Variants in ETV6 observed in about 807,000 individuals in gnomAD.
ETV6 encodes the protein ETS variant transcription factor 6.
Under a neutral mutation model 51.1 loss-of-function variants are expected in ETV6, and 16 were observed. The observed-to-expected ratio is 0.31, with a 90% confidence interval of 0.21 to 0.48. The LOEUF is 0.48. Ranked by LOEUF, ETV6 falls within the 20% of genes least tolerant of loss-of-function variation. ETV6 has a pLI of 0.99. For synonymous variants in ETV6, 240 were observed against 224.1 expected (o/e 1.07, Z -0.64); for missense variants, 458 against 594.8 (o/e 0.77, Z 2.39).
intron 2 of ETV6, among the ~76,000 whole-genome samples, chr12:11,827,458 G>A (rs1477910480): frequency 6.6e-6 from 1 of 152,086 alleles, no homozygotes; most frequent in African/African-American, 2.4e-5. Flanking sequence ...GGTCAGATTT[G>A]CCTTTGGGTC....
intron 2 of ETV6, among the ~76,000 whole-genome samples, chr12:11,828,746 G>T (rs182712202): frequency 6.6e-6 from 1 of 152,196 alleles, no homozygotes; most frequent in Non-Finnish European, 1.5e-5. Context: ...AGAAGTACTT[G>T]CTCTAATCTC....
At chr12:11,750,782 T>C in intron 1 of ETV6, 1 of 474,800 alleles carries the variant, frequency 2.1e-6, no homozygotes, top group Non-Finnish European at 4.0e-6. Flanking sequence ...ATGTTTCCTA[T>C]ATGTGTGGGC....
chr12:11,889,360 G>C (rs998296859), intron 7 of ETV6, among the ~76,000 whole-genome samples: 1 of 152,168 alleles, frequency 6.6e-6, no homozygotes, highest in Non-Finnish European at 1.5e-5. Context: ...GTGAGGGAGA[G>C]ATTAGTCCAT....
At chr12:11,870,966 T>G (rs1946872405) in intron 5 of ETV6, among the ~76,000 whole-genome samples, 1 of 152,100 alleles carries the variant, frequency 6.6e-6, no homozygotes, top group African/African-American at 2.4e-5. Context: ...CAAGCAAGGC[T>G]TTGCAGGGGA....
intron 2 of ETV6, among the ~76,000 whole-genome samples, chr12:11,785,983 G>C (rs895367253): frequency 6.6e-6 from 1 of 152,088 alleles, no homozygotes; most frequent in Non-Finnish European, 1.5e-5. Flanking sequence ...GTTTTAGCAG[G>C]TTTGATTGCA....
intron 2 of ETV6, among the ~76,000 whole-genome samples, chr12:11,772,268 C>T (rs1308129063): frequency 1.3e-5 from 2 of 152,200 alleles, no homozygotes; most frequent in Admixed American, 1.3e-4. Flanking sequence ...TGCAGAAAGA[C>T]TCAGAGATCA....
chr12:11,694,686 C>G (rs544729561), intron 1 of ETV6, among the ~76,000 whole-genome samples: 10 of 152,236 alleles, frequency 6.6e-5, no homozygotes, highest in South Asian at 2.1e-4. Flanking sequence ...ACAGCCTTCT[C>G]TCTGCTTTCA....
Position 11,892,142 on chromosome 12 carries a change from G to GAGAA in ETV6, c.*1102_*1105dup. ...TCCAAAGCAGGTAACAGAGGCTAGT[G>GAGAA]AGAAAGAAAAGCTCCTCTCTGCTCC... On this transcript the variant is annotated 3_prime_UTR_variant, in exon 8 of 8. Coordinates refer to ENST00000396373, the MANE Select transcript of ETV6 (RefSeq NM_001987.5). 4.3e-6 allele frequency: 1 copy of GAGAA among 231,574 alleles called. No homozygotes were observed. The highest frequency in any genetic ancestry group is 6.1e-5 in the East Asian group (1 of 16,492). The allele number at this position is 231,574 out of a possible 1,614,324, so 14.3% of individuals were successfully genotyped here.
At chr12:11,786,530 C>G (rs1945488310) in intron 2 of ETV6, among the ~76,000 whole-genome samples, 1 of 152,022 alleles carries the variant, frequency 6.6e-6, no homozygotes, top group Non-Finnish European at 1.5e-5. Context: ...TTTTGAGAAC[C>G]CTCAGTTTAT....
At chr12:11,787,962 A>AC (rs1259084285) in intron 2 of ETV6, among the ~76,000 whole-genome samples, 1 of 152,230 alleles carries the variant, frequency 6.6e-6, no homozygotes, top group East Asian at 1.9e-4. Context: ...TTTCTTTCAC[A>AC]CCAGTGCCCT....
chr12:11,825,472 G>A lies in ETV6; in HGVS notation c.164-13668G>A, dbSNP rs530784090. Among the ~76,000 whole-genome samples the A allele has an allele frequency of 1.1e-4, 17 of 152,308 alleles. No individual in the cohort carries two copies. The South Asian group carries it at 2.7e-3, about 24-fold the overall frequency. Reference sequence around the variant, plus strand: ...CACAAAGCAAGCTTTCGCCTGCATCGCTCCTGTCTCTGCCCCTGTCTTCAC... The same window carrying A: ...CACAAAGCAAGCTTTCGCCTGCATCACTCCTGTCTCTGCCCCTGTCTTCAC... On this transcript the variant is annotated intron_variant, in intron 2 of 7. Coordinates refer to ENST00000396373, the MANE Select transcript of ETV6 (RefSeq NM_001987.5).
intron 1 of ETV6, among the ~76,000 whole-genome samples, chr12:11,707,660 T>G (rs1476412914): frequency 2.0e-5 from 3 of 152,206 alleles, no homozygotes; most frequent in Non-Finnish European, 4.4e-5. Flanking sequence ...GCATGTAGAT[T>G]TATGGATTCT....
chr12:11,744,767 C>T (rs1865875487), intron 1 of ETV6, among the ~76,000 whole-genome samples: 1 of 152,150 alleles, frequency 6.6e-6, no homozygotes, highest in Non-Finnish European at 1.5e-5. Flanking sequence ...ACTTTGCCTG[C>T]GTGTACATCC....
intron 5 of ETV6, among the ~76,000 whole-genome samples, chr12:11,874,542 GTACACACATA>G (rs1565562497): frequency 2.1e-4 from 1 of 4,780 alleles, no homozygotes; most frequent in African/African-American, 3.9e-4. Context: ...ATGTGCGTGT[GTACACACATA>G]TATGTGTATG....
At chr12:11,661,198 C>A (rs1215346022) in intron 1 of ETV6, among the ~76,000 whole-genome samples, 1 of 152,010 alleles carries the variant, frequency 6.6e-6, no homozygotes, top group East Asian at 1.9e-4. Context: ...TGCTTTGTTG[C>A]CCAGGTTGCT....
chr12:11,722,058 T>C (rs1232526971), intron 1 of ETV6, among the ~76,000 whole-genome samples: 1 of 152,222 alleles, frequency 6.6e-6, no homozygotes, highest in Admixed American at 6.5e-5. Flanking sequence ...CCTGCTCACT[T>C]GTAGACTGGG....
intron 2 of ETV6, among the ~76,000 whole-genome samples, chr12:11,800,189 A>G (rs1945726844): frequency 6.6e-6 from 1 of 152,202 alleles, no homozygotes; most frequent in South Asian, 2.1e-4. Context: ...TTTCTGGGTC[A>G]TGGAAAAGTA....
rs537581347 is a variant in ETV6, at chr12:11,891,828, G to A, written c.*782G>A. On this transcript the variant is annotated 3_prime_UTR_variant, in exon 8 of 8. Coordinates refer to ENST00000396373, the MANE Select transcript of ETV6 (RefSeq NM_001987.5). ...TGGCCAGCAGCACAGAATCAAACCC[G>A]CATCCCAGCATTGGGCCACCCATCT... 8.1e-4 allele frequency: 269 copies of A among 330,358 alleles called. No homozygotes were observed. The highest frequency in any genetic ancestry group is 5.2e-3 in the African/African-American group (250 of 48,438). The allele number at this position is 330,358 out of a possible 1,614,324, so 20.5% of individuals were successfully genotyped here. A position where few individuals can be genotyped will look rare whatever the true frequency, so the allele number is the denominator to read the frequency against.
rs771774847 is a variant in ETV6, at chr12:11,797,736, G to T, written c.164-41404G>T. Reference sequence around the variant, plus strand: ...AGGGTTAAGTAAGCCTAACTGGAAAGGTTCTGGGCCGTAGGGGCAGACAGC... The same window carrying T: ...AGGGTTAAGTAAGCCTAACTGGAAATGTTCTGGGCCGTAGGGGCAGACAGC... On this transcript the variant is annotated intron_variant, in intron 2 of 7. Transcript: ENST00000396373. 7.9e-4 allele frequency among the ~76,000 whole-genome samples: 120 copies of T among 152,286 alleles called. 2 individuals carry two copies. Among genetic ancestry groups the T allele is most frequent in the East Asian group, 3.9e-4 (2 of 5,182 alleles).
Sources: allele counts gnomAD v4.1 joint callset (sites outside exome capture counted in the v4.1 genomes callset), GRCh38; gene constraint gnomAD v4.1.1; transcripts MANE v1.5; gene names NCBI Gene and HGNC (gene_info 2026-07-23, HGNC 2026-07-21).